The following PDE6B variants were observed in gnomAD, a reference collection of about 807,000 sequenced individuals.
PDE6B encodes the protein rod cGMP-specific 3',5'-cyclic phosphodiesterase subunit beta.
PDE6B carries 106 observed loss-of-function variants against 109.0 expected under a neutral mutation model. The observed-to-expected ratio is 0.97, with a 90% CI of 0.83 to 1.14. The LOEUF (loss-of-function observed/expected upper bound fraction) is 1.14. Ranked by LOEUF, PDE6B falls within the 50% of genes most tolerant of loss-of-function variation. PDE6B has a pLI of 0.00. For synonymous variants in PDE6B, 490 were observed against 471.3 expected (o/e 1.04, Z -0.51); for missense variants, 1,193 against 1,155.6 (o/e 1.03, Z -0.47).
chr4:630,311 G>A (rs929032806), intron 1 of PDE6B, among the ~76,000 whole-genome samples: 2 of 152,120 alleles, frequency 1.3e-5, no homozygotes, highest in Non-Finnish European at 2.9e-5. Flanking sequence ...GGGCCACGAG[G>A]GGCAGCGGGA....
At chr4:669,323 C>T (rs1371065793) in intron 21 of PDE6B, among the ~76,000 whole-genome samples, 2 of 109,058 alleles carry the variant, frequency 1.8e-5, no homozygotes, top group Admixed American at 8.2e-5. Flanking sequence ...ATGCTATTCC[C>T]GCTACCCCAT....
In PDE6B at chr4:663,922, A is replaced by T; in HGVS notation, c.2021+52A>T. The stretch of plus-strand genomic sequence containing the variant: ...TCGCGGGGCGGGCGGGTAGCCTGGG[A>T]CCCCCGGCAGACACGGGGGCGCAGC... On this transcript the variant is annotated intron_variant, in intron 16 of 21. Transcript: ENST00000496514. The surrounding 1 kb of genome is among the most constrained non-coding windows in gnomAD (Gnocchi z 4.0). The T allele has an allele frequency of 1.4e-6, 2 of 1,382,926 alleles. No homozygotes were observed. The highest frequency in any genetic ancestry group is 2.0e-6 in the Non-Finnish European group (2 of 993,642). The allele number at this position is 1,382,926 out of a possible 1,614,324, so 85.7% of individuals were successfully genotyped here. A position where few individuals can be genotyped will look rare whatever the true frequency, so the allele number is the denominator to read the frequency against.
intron 1 of PDE6B, 42 bp from the exon 2 acceptor site, chr4:634,635 C>T (rs543464324): frequency 2.7e-5 from 42 of 1,560,648 alleles, no homozygotes; most frequent in South Asian, 7.8e-5. Context: ...TCCAGGCCCA[C>T]GGTGCGACAG....
rs1363358093 is a variant in PDE6B at position 664,141 on chromosome 4, G to A, written c.2049G>A (p.Val683=). ...AGAGAGCGATGTTTCAGAAGATCGT[G>A]GATGAGTCCAAGAACTACCAGGACA... ...FKKRAMFQKI[V]DESKNYQDKK... is the part of the protein sequence containing the mutation. The change falls in exon 17 of 22, where the codon GTG becomes GTA. Residue 683 remains valine (V), a synonymous_variant. Transcript: ENST00000496514. 1 of 1,611,122 alleles carries A rather than the reference G, an allele frequency of 6.2e-7. No homozygotes were observed. The highest frequency in any genetic ancestry group is 1.3e-5 in the African/African-American group (1 of 75,006).
chr4:632,355 G>A (rs752268679), intron 1 of PDE6B, among the ~76,000 whole-genome samples: 1 of 151,800 alleles, frequency 6.6e-6, no homozygotes, highest in Non-Finnish European at 1.5e-5. Flanking sequence ...GTGGATCCAT[G>A]AGGCACCGTC....
Position 663,011 on chromosome 4 carries a change from GA to G in PDE6B, c.1833-86del, listed in dbSNP as rs938847143. The G allele has an allele frequency of 4.1e-5, 33 of 803,658 alleles. No individual in the cohort carries two copies. Among genetic ancestry groups the G allele is most frequent in the Non-Finnish European group, 7.2e-5 (32 of 445,594 alleles). 49.8% of individuals were successfully genotyped at this position (803,658 alleles called of 1,614,324 possible). A position where few individuals can be genotyped will look rare whatever the true frequency, so the allele number is the denominator to read the frequency against. On this transcript the variant is annotated intron_variant, in intron 14 of 21. Coordinates refer to ENST00000496514, the MANE Select transcript of PDE6B (RefSeq NM_000283.4). The surrounding 1 kb of genome is among the most constrained non-coding windows in gnomAD (Gnocchi z 4.0). ...GAGGCAGACCCTGTCTCAAAAAAAAGAAAGTGGGGCCCATCTGGGGGGGCTG... is the reference window on the plus strand; with the variant it reads ...GAGGCAGACCCTGTCTCAAAAAAAAGAAGTGGGGCCCATCTGGGGGGGCTG...
At chr4:644,833 A>G (rs1160124001) in intron 3 of PDE6B, among the ~76,000 whole-genome samples, 2 of 151,886 alleles carry the variant, frequency 1.3e-5, no homozygotes, top group African/African-American at 4.8e-5. Context: ...CCCGGCCCAC[A>G]GTGTTGTTTA....
At chr4:646,106 C>G (rs1397791066) in intron 3 of PDE6B, among the ~76,000 whole-genome samples, 4 of 151,962 alleles carry the variant, frequency 2.6e-5, no homozygotes, top group Non-Finnish European at 5.9e-5. Context: ...ATGCAAGTTT[C>G]TGATCTATCT....
intron 1 of PDE6B, among the ~76,000 whole-genome samples, chr4:632,525 T>C (rs1430371674): frequency 1.3e-5 from 2 of 150,756 alleles, no homozygotes; most frequent in Non-Finnish European, 2.9e-5. Context: ...CATCTCTGGA[T>C]CATGTTGTGT....
At chr4:655,037 C>T in intron 6 of PDE6B, 149 bp downstream of exon 6, 1 of 688,414 alleles carries the variant, frequency 1.5e-6, no homozygotes, top group Non-Finnish European at 2.7e-6. Context: ...GCTCTGTGTG[C>T]CGTGGGGCAT....
chr4:627,676 C>T (rs1224966747), intron 1 of PDE6B, among the ~76,000 whole-genome samples: 1 of 149,842 alleles, frequency 6.7e-6, no homozygotes, highest in African/African-American at 2.4e-5. Context: ...CTCCTCCCTC[C>T]TCCCCTCACT....
In PDE6B at chr4:663,044, G is replaced by A. The variant is rs951591482; in HGVS notation, c.1833-56G>A. The stretch of plus-strand genomic sequence containing the variant: ...GGCCCATCTGGGGGGGCTGCAGAGC[G>A]CAGGGTGGGCCAAGGGCAGGTCCCA... On this transcript the variant is annotated intron_variant, in intron 14 of 21. Transcript: ENST00000496514. This position sits in a 1 kb window ranked among gnomAD's most constrained non-coding sequence, Gnocchi z 4.0. 1.4e-5 allele frequency: 14 copies of A among 969,444 alleles called. No homozygotes were observed. Among genetic ancestry groups the A allele is most frequent in the African/African-American group, 6.4e-5 (4 of 62,556 alleles). The allele number at this position is 969,444 out of a possible 1,614,324, so 60.1% of individuals were successfully genotyped here.
intron 3 of PDE6B, among the ~76,000 whole-genome samples, chr4:638,860 G>A (rs1465267556): frequency 6.6e-6 from 1 of 152,134 alleles, no homozygotes; most frequent in African/African-American, 2.4e-5. Flanking sequence ...TCAACCAGGG[G>A]CTCACTCACA....
Position 662,361 on chromosome 4 carries a change from C to T in PDE6B, c.1722+120C>T, listed in dbSNP as rs375862443. On this transcript the variant is annotated intron_variant, in intron 13 of 21. Coordinates refer to ENST00000496514, the MANE Select transcript of PDE6B (RefSeq NM_000283.4). The surrounding 1 kb of genome is among the most constrained non-coding windows in gnomAD (Gnocchi z 4.3). ...AGGGCAGAAGGATGGAGGAGGGCAACGCCCTCTGACACCGTGCACCGCGCA... is the reference window on the plus strand; with the variant it reads ...AGGGCAGAAGGATGGAGGAGGGCAATGCCCTCTGACACCGTGCACCGCGCA... 1.5e-5 allele frequency: 12 copies of T among 814,452 alleles called. No homozygotes were observed. Among genetic ancestry groups the T allele is most frequent in the East Asian group, 5.3e-5 (2 of 37,650 alleles). The allele number at this position is 814,452 out of a possible 1,614,324, so 50.5% of individuals were successfully genotyped here.
In PDE6B at chr4:656,028, G is replaced by A. The variant is rs770974187; in HGVS notation, c.1059+22G>A. The A allele has an allele frequency of 9.3e-6, 14 of 1,501,374 alleles. 1 individual carries two copies. In the Admixed American group the frequency reaches 1.7e-4, roughly 18 times the overall value. 93.0% of individuals were successfully genotyped at this position (1,501,374 alleles called of 1,614,324 possible). ...CTTTGTGAGTCCCGTGCTGTCTGGA[G>A]TCCCCACAGCCTTGCCCTCACTGGG... On this transcript the variant is annotated intron_variant, in intron 7 of 21. Transcript: ENST00000496514.
intron 12 of PDE6B, 82 bp downstream of exon 12, chr4:660,695 T>A: frequency 7.9e-7 from 1 of 1,263,858 alleles, no homozygotes; most frequent in Non-Finnish European, 1.1e-6. Context: ...GGGCCTCAGG[T>A]GCCCCAGAAG....
chr4:635,245 G>T (rs1169808732), intron 2 of PDE6B, among the ~76,000 whole-genome samples: 1 of 136,926 alleles, frequency 7.3e-6, no homozygotes, highest in Non-Finnish European at 1.6e-5. Flanking sequence ...TTACCTGCCT[G>T]CCCGCCTGCC....
chr4:663,986 C>G lies in PDE6B; in HGVS notation c.2021+116C>G. The stretch of plus-strand genomic sequence containing the variant: ...GGGGGACGCAGCCCCGGATTCCGTC[C>G]CTGCCCGCCGGCCCCGCGCACCCCG... On this transcript the variant is annotated intron_variant, in intron 16 of 21. Coordinates refer to ENST00000496514, the MANE Select transcript of PDE6B (RefSeq NM_000283.4). This position sits in a 1 kb window ranked among gnomAD's most constrained non-coding sequence, Gnocchi z 4.0. 2.3e-5 allele frequency: 25 copies of G among 1,110,192 alleles called. No individual in the cohort carries two copies. In the South Asian group the frequency reaches 2.8e-4, roughly 12 times the overall value. The allele number at this position is 1,110,192 out of a possible 1,614,324, so 68.8% of individuals were successfully genotyped here.
At chr4:640,431 C>G (rs1734894227) in intron 3 of PDE6B, among the ~76,000 whole-genome samples, 1 of 151,960 alleles carries the variant, frequency 6.6e-6, no homozygotes, top group African/African-American at 2.4e-5. Context: ...CCCAGTTACT[C>G]AGGAGGCTGA....
Sources: gnomAD v4.1 joint callset for allele counts (sites outside exome capture counted in the v4.1 genomes callset) on GRCh38, gnomAD v4.1.1 for gene constraint, Gnocchi (gnomAD v3.1) non-coding constraint, MANE v1.5 for transcripts, NCBI Gene and HGNC (gene_info 2026-07-23, HGNC 2026-07-21) for gene names.